KMT5B: variants seen among roughly 807,000 people sequenced by gnomAD.
KMT5B encodes lysine methyltransferase 5B.
KMT5B carries 10 observed loss-of-function variants against 83.2 expected under a neutral mutation model. The observed-to-expected ratio is 0.12, with a 90% CI of 0.07 to 0.20. The LOEUF (loss-of-function observed/expected upper bound fraction) is 0.20, where lower values mean the gene tolerates loss of function less well. KMT5B is among the 10% of genes least tolerant of loss of function. KMT5B has a pLI of 1.00. For synonymous variants in KMT5B, 349 were observed against 388.8 expected (o/e 0.90, Z 1.20); for missense variants, 753 against 1,067.2 (o/e 0.71, Z 4.10).
At chr11:68,207,228 A>T (rs1469163027) in intron 1 of KMT5B, among the ~76,000 whole-genome samples, 1 of 152,004 alleles carries the variant, frequency 6.6e-6, no homozygotes, top group African/African-American at 2.4e-5. Context: ...AAAAAAAAAA[A>T]ATCATGCCAA....
At chr11:68,181,377 C>CT (rs1436957643) in intron 3 of KMT5B, among the ~76,000 whole-genome samples, 1 of 152,148 alleles carries the variant, frequency 6.6e-6, no homozygotes, top group African/African-American at 2.4e-5. Flanking sequence ...CCGGGCTAAA[C>CT]ATCTACTGTT....
intron 1 of KMT5B, among the ~76,000 whole-genome samples, chr11:68,195,968 C>T (rs1858651118): frequency 6.6e-6 from 1 of 152,016 alleles, no homozygotes; most frequent in African/African-American, 2.4e-5. Context: ...ACCAGCCTCG[C>T]CAACATGGTG....
chr11:68,165,412 G>A (rs1361663169), intron 10 of KMT5B, among the ~76,000 whole-genome samples: 1 of 152,144 alleles, frequency 6.6e-6, no homozygotes, highest in African/African-American at 2.4e-5. Context: ...GCTGAGGCAG[G>A]AGAATCGCTT....
At chr11:68,192,715 A>C (rs1043877568) in intron 1 of KMT5B, among the ~76,000 whole-genome samples, 1 of 152,188 alleles carries the variant, frequency 6.6e-6, no homozygotes, top group African/African-American at 2.4e-5. Context: ...TCATCACCAC[A>C]AACAAAATTT....
chr11:68,162,681 T>G (rs1263115862), intron 10 of KMT5B, among the ~76,000 whole-genome samples: 1 of 152,244 alleles, frequency 6.6e-6, no homozygotes, highest in Non-Finnish European at 1.5e-5. Flanking sequence ...AGCACTTTTA[T>G]GTGTTTGTCT....
chr11:68,197,962 T>C (rs1229003853), intron 1 of KMT5B, among the ~76,000 whole-genome samples: 1 of 152,240 alleles, frequency 6.6e-6, no homozygotes, highest in African/African-American at 2.4e-5. Flanking sequence ...ATTGTACTAA[T>C]GATCAGGTCA....
intron 9 of KMT5B, among the ~76,000 whole-genome samples, chr11:68,169,315 T>C (rs534997327): frequency 6.6e-6 from 1 of 152,178 alleles, no homozygotes; most frequent in Admixed American, 6.5e-5. Flanking sequence ...CAGTATGTGG[T>C]TAGGTGTTTT....
chr11:68,203,117 A>C (rs1859660710), intron 1 of KMT5B, among the ~76,000 whole-genome samples: 1 of 152,062 alleles, frequency 6.6e-6, no homozygotes, highest in Non-Finnish European at 1.5e-5. Context: ...CTGGGATTAC[A>C]GGTGTGTGCC....
At chr11:68,205,738 A>C (rs1184948331) in intron 1 of KMT5B, among the ~76,000 whole-genome samples, 1 of 151,180 alleles carries the variant, frequency 6.6e-6, no homozygotes, top group Non-Finnish European at 1.5e-5. Flanking sequence ...CTCCTGCCTC[A>C]GCCTCCTGAG....
chr11:68,177,635 A>G (rs1856510382), intron 4 of KMT5B, among the ~76,000 whole-genome samples: 1 of 152,192 alleles, frequency 6.6e-6, no homozygotes, highest in South Asian at 2.1e-4. Context: ...TATTAGCTGA[A>G]CCATCTGAAA....
In KMT5B at chr11:68,157,911, C is replaced by T. The variant is rs377086091; in HGVS notation, c.2435G>A (p.Arg812Gln). Residue 812 changes from arginine to glutamine, a missense_variant, in exon 11 of 11, where the codon CGA becomes CAA. Physicochemically the swap from Arg to Gln is conservative, Grantham distance 43. Around this residue, in one of 9 missense-constraint regions of KMT5B, gnomAD observed 161 missense variants for 195.1 expected, o/e 0.83. Transcript: ENST00000304363. ...CSDPLSLLES[R>Q]MEVDDYSQYE... ...CTGACTATAGTCATCCACCTCCATT[C>T]GAGACTCCAAGAGAGAAAGAGGATC... 46 of 1,613,890 alleles carry T rather than the reference C, an allele frequency of 2.9e-5. No individual in the cohort carries two copies. The African/African-American group carries it at 3.2e-4, about 11-fold the overall frequency.
At chr11:68,199,907 G>A (rs1395919214) in intron 1 of KMT5B, among the ~76,000 whole-genome samples, 1 of 152,162 alleles carries the variant, frequency 6.6e-6, no homozygotes, top group African/African-American at 2.4e-5. Flanking sequence ...ATGAAGAATG[G>A]AATTAATATT....
At chr11:68,198,993 T>C (rs1056803528) in intron 1 of KMT5B, among the ~76,000 whole-genome samples, 2 of 152,220 alleles carry the variant, frequency 1.3e-5, no homozygotes, top group African/African-American at 4.8e-5. Context: ...CCTCCCATAG[T>C]GCTGGGATTA....
intron 9 of KMT5B, among the ~76,000 whole-genome samples, 170 bp from the exon 10 acceptor site, chr11:68,167,348 T>C (rs756426406): frequency 2.6e-5 from 4 of 152,168 alleles, no homozygotes; most frequent in Non-Finnish European, 4.4e-5. Context: ...GTATCTATAT[T>C]ATAAAATTAA....
intron 1 of KMT5B, among the ~76,000 whole-genome samples, chr11:68,205,546 G>C (rs1180389037): frequency 1.3e-5 from 2 of 151,488 alleles, no homozygotes; most frequent in Non-Finnish European, 2.9e-5. Flanking sequence ...GAAACTATTA[G>C]AATTTCTCAT....
rs146796767 is a variant in KMT5B at position 68,180,274 on chromosome 11, A to G, written c.309-74T>C. ...ATCTGTACTTGTAATTTCTAAACAGACTTACAATATTCGTTGTTGCAAAAA... is the reference window on the plus strand; with the variant it reads ...ATCTGTACTTGTAATTTCTAAACAGGCTTACAATATTCGTTGTTGCAAAAA... On this transcript the variant is annotated intron_variant, in intron 3 of 10. Transcript: ENST00000304363. 1,174 of 1,505,782 alleles carry G rather than the reference A, an allele frequency of 7.8e-4. 9 individuals carry two copies. The African/African-American group carries it at 0.015, about 19-fold the overall frequency. 93.3% of individuals were successfully genotyped at this position (1,505,782 alleles called of 1,614,324 possible). A position where few individuals can be genotyped will look rare whatever the true frequency, so the allele number is the denominator to read the frequency against.
At chr11:68,186,176 C>T (rs1011073397) in intron 2 of KMT5B, among the ~76,000 whole-genome samples, 1 of 152,082 alleles carries the variant, frequency 6.6e-6, no homozygotes, top group Non-Finnish European at 1.5e-5. Context: ...TCTGGGTAGT[C>T]GTGAGAATTT....
In KMT5B at chr11:68,202,676, G is replaced by A. The variant is rs551553870; in HGVS notation, c.-77+10462C>T. 3.3e-5 allele frequency among the ~76,000 whole-genome samples: 5 copies of A among 151,224 alleles called. No individual in the cohort carries two copies. In the South Asian group the frequency reaches 1.0e-3, roughly 32 times the overall value. The stretch of plus-strand genomic sequence containing the variant: ...CGATTCTCCTGCCTCAGCCTCCTGA[G>A]TAGCTGGGATTACAGGCGCGCACCA... On this transcript the variant is annotated intron_variant, in intron 1 of 10. Transcript: ENST00000304363.
At chr11:68,165,194 GT>G (rs1454546413) in intron 10 of KMT5B, among the ~76,000 whole-genome samples, 27 of 152,114 alleles carry the variant, frequency 1.8e-4, no homozygotes, top group Admixed American at 1.8e-3. Flanking sequence ...GAACCTAAGT[GT>G]TTTTGTTTAA....
Sources: allele counts gnomAD v4.1 joint callset (sites outside exome capture counted in the v4.1 genomes callset), GRCh38; gene constraint gnomAD v4.1.1; regional missense constraint gnomAD v4.1.1; transcripts MANE v1.5; gene names NCBI Gene and HGNC (gene_info 2026-07-23, HGNC 2026-07-21).